The following MYT1L variants were observed in gnomAD, a reference collection of about 807,000 sequenced individuals.
MYT1L encodes the protein myelin transcription factor 1 like, also known as myelin transcription factor 1-like protein.
Under a neutral mutation model 126.7 loss-of-function variants are expected in MYT1L, and 12 were observed. That is an observed-to-expected ratio of 0.09 (90% CI 0.06 to 0.15). The LOEUF (loss-of-function observed/expected upper bound fraction) is 0.15. Among genes scored for constraint, MYT1L ranks in the 10% least tolerant of loss-of-function variants. MYT1L has a pLI of 1.00. For synonymous variants in MYT1L, 541 were observed against 604.2 expected, an observed-to-expected ratio of 0.90 and a Z score of 1.53; for missense variants, 979 against 1,585.2, an observed-to-expected ratio of 0.62 and a Z score of 6.49.
At chr2:1,924,378 T>G (rs1172523762) in intron 9 of MYT1L, among the ~76,000 whole-genome samples, 1 of 152,202 alleles carries the variant, frequency 6.6e-6, no homozygotes, top group Non-Finnish European at 1.5e-5. Flanking sequence ...TTTGGTTAAC[T>G]GCATGCCATT....
At chr2:2,093,905 A>C (rs1324244088) in intron 3 of MYT1L, among the ~76,000 whole-genome samples, 7 of 152,252 alleles carry the variant, frequency 4.6e-5, no homozygotes, top group African/African-American at 1.7e-4. Flanking sequence ...AGCTTTCTAC[A>C]TATGGCTAGC....
chr2:1,908,824 G>A (rs1407521490), intron 13 of MYT1L, among the ~76,000 whole-genome samples: 1 of 152,122 alleles, frequency 6.6e-6, no homozygotes, highest in Non-Finnish European at 1.5e-5. Flanking sequence ...TGCTCTGGGG[G>A]CACTTCAGGC....
chr2:2,305,833 A>G (rs1201991802), intron 1 of MYT1L: 4 of 152,168 alleles, frequency 2.6e-5, no homozygotes, highest in Non-Finnish European at 5.9e-5. Context: ...AATAACAGCA[A>G]GGGAGAAACT....
chr2:2,182,538 T>C (rs1296685073), intron 2 of MYT1L, among the ~76,000 whole-genome samples: 2 of 152,206 alleles, frequency 1.3e-5, no homozygotes, highest in African/African-American at 4.8e-5. Flanking sequence ...TCAGTCTGTA[T>C]TTCACAAGGA....
intron 10 of MYT1L, among the ~76,000 whole-genome samples, chr2:1,921,750 T>C (rs1036294844): frequency 6.6e-6 from 1 of 152,216 alleles, no homozygotes; most frequent in African/African-American, 2.4e-5. Context: ...TGCCCTTATC[T>C]TATGTTATCG....
rs1229877509 is a variant in MYT1L at position 1,928,982 on chromosome 2, C to CT, written c.506-5720dup. ...AGGATAAGGATGTGCAGGGAGGGAA[C>CT]TGGGGGTACAGGACAGGCCTGGACC... On this transcript the variant is annotated intron_variant, in intron 9 of 24. Transcript: ENST00000647738. Among the ~76,000 whole-genome samples the CT allele has an allele frequency of 5.9e-5, 9 of 152,064 alleles. 1 individual carries two copies. The highest frequency in any genetic ancestry group is 2.2e-4 in the African/African-American group (9 of 41,402).
At chr2:2,122,021 C>T (rs577037774) in intron 3 of MYT1L, among the ~76,000 whole-genome samples, 3 of 152,186 alleles carry the variant, frequency 2.0e-5, no homozygotes, top group Admixed American at 6.5e-5. Context: ...GGTCTTCCTA[C>T]GCTCTTGTTA....
At chr2:1,893,790 G>A (rs2049228638) in intron 14 of MYT1L, among the ~76,000 whole-genome samples, 1 of 152,166 alleles carries the variant, frequency 6.6e-6, no homozygotes, top group African/African-American at 2.4e-5. Flanking sequence ...AAATTGCCCT[G>A]GATTTGGATA....
chr2:2,296,811 G>A (rs1460085029), intron 1 of MYT1L, among the ~76,000 whole-genome samples: 1 of 152,218 alleles, frequency 6.6e-6, no homozygotes, highest in South Asian at 2.1e-4. Context: ...TCAGGAGTAA[G>A]CCTTGCCTCT....
At chr2:1,837,886 TCTC>T (rs2041120048) in intron 21 of MYT1L, among the ~76,000 whole-genome samples, 3 of 116,808 alleles carry the variant, frequency 2.6e-5, no homozygotes, top group African/African-American at 9.7e-5. Flanking sequence ...AATTTCTCTC[TCTC>T]TTTTTTTTTT....
At chr2:2,004,083 G>GTTCTTTCCTGCGTGCC (rs1357363683) in intron 4 of MYT1L, among the ~76,000 whole-genome samples, 3 of 148,070 alleles carry the variant, frequency 2.0e-5, no homozygotes, top group South Asian at 2.2e-4. Flanking sequence ...TCCTGCATAT[G>GTTCTTTCCTGCGTGCC]TTCTTTCCTG....
chr2:1,818,993 G>T (rs1370301806), intron 21 of MYT1L, among the ~76,000 whole-genome samples: 1 of 152,190 alleles, frequency 6.6e-6, no homozygotes, highest in East Asian at 1.9e-4. Flanking sequence ...CACCCAGATG[G>T]CCCCCAGCTC....
intron 8 of MYT1L, among the ~76,000 whole-genome samples, chr2:1,970,228 TGTGA>T (rs2059704561): frequency 6.6e-6 from 1 of 152,132 alleles, no homozygotes; most frequent in African/African-American, 2.4e-5. Context: ...AAGTTGTGCC[TGTGA>T]GTGACACTGG....
At chr2:1,913,819 G>C (rs1396690467) in intron 11 of MYT1L, among the ~76,000 whole-genome samples, 1 of 152,088 alleles carries the variant, frequency 6.6e-6, no homozygotes, top group African/African-American at 2.4e-5. Context: ...TCCTGAGGTG[G>C]AGTGTGCTTG....
chr2:2,013,261 G>A (rs1008792948), intron 4 of MYT1L, among the ~76,000 whole-genome samples: 13 of 152,064 alleles, frequency 8.5e-5, no homozygotes, highest in African/African-American at 2.2e-4. Flanking sequence ...CGGGCCCAGC[G>A]GTCACTTCTT....
At chr2:2,058,621 GAATA>G (rs1255768345) in intron 3 of MYT1L, among the ~76,000 whole-genome samples, 1 of 152,196 alleles carries the variant, frequency 6.6e-6, no homozygotes, top group Non-Finnish European at 1.5e-5. Context: ...TATGCTGAAT[GAATA>G]AATAAATGAA....
At chr2:2,071,099 C>G (rs992391564) in intron 3 of MYT1L, among the ~76,000 whole-genome samples, 1 of 151,952 alleles carries the variant, frequency 6.6e-6, no homozygotes, top group African/African-American at 2.4e-5. Context: ...AAATCCTGAC[C>G]CACTGGGGGC....
At chr2:2,321,705 T>TA (rs897466713) in intron 1 of MYT1L, among the ~76,000 whole-genome samples, 9 of 150,916 alleles carry the variant, frequency 6.0e-5, no homozygotes, top group South Asian at 4.2e-4. Context: ...GTCAATGTAC[T>TA]AAAAAAAAAG....
intron 2 of MYT1L, among the ~76,000 whole-genome samples, chr2:2,259,737 G>A (rs58303525): frequency 0.016 from 2,459 of 152,226 alleles, 65 homozygotes; most frequent in African/African-American, 0.056. Context: ...GTCAAGGTAC[G>A]GGTCATCCCG....
Sources: allele counts gnomAD v4.1 joint callset (sites outside exome capture counted in the v4.1 genomes callset), GRCh38; gene constraint gnomAD v4.1.1; transcripts MANE v1.5; gene names NCBI Gene and HGNC (gene_info 2026-07-23, HGNC 2026-07-21).